The following PCDH9 variants were observed in gnomAD, a reference collection of about 807,000 sequenced individuals.
PCDH9 encodes the protein protocadherin 9, also known as protocadherin-9.
Under a neutral mutation model 70.6 loss-of-function variants are expected in PCDH9, and 24 were observed. The observed-to-expected ratio is 0.34, with a 90% CI of 0.25 to 0.48. The LOEUF is 0.48. PCDH9 is among the 20% of genes least tolerant of loss of function. The pLI is 0.99. For synonymous variants in PCDH9, 562 were observed against 558.5 expected (o/e 1.01, Z -0.09); for missense variants, 1,281 against 1,503.6 (o/e 0.85, Z 2.45).
intron 3 of PCDH9, among the ~76,000 whole-genome samples, chr13:66,702,804 T>C (rs2078664058): frequency 6.6e-6 from 1 of 152,192 alleles, no homozygotes; most frequent in Non-Finnish European, 1.5e-5. Context: ...TAAAATCTGA[T>C]CTTAATAAGG....
At chr13:66,690,812 T>C (rs2078472805) in intron 3 of PCDH9, among the ~76,000 whole-genome samples, 2 of 152,260 alleles carry the variant, frequency 1.3e-5, no homozygotes, top group East Asian at 3.9e-4. Flanking sequence ...TATTAGTCTC[T>C]ACTGAGAATG....
chr13:66,619,697 C>G (rs2077399732), intron 4 of PCDH9, among the ~76,000 whole-genome samples: 1 of 152,130 alleles, frequency 6.6e-6, no homozygotes, highest in African/African-American at 2.4e-5. Flanking sequence ...ACTCCATAGT[C>G]TGTGTTCTTA....
chr13:66,840,736 T>C (rs2081102611), intron 3 of PCDH9, among the ~76,000 whole-genome samples: 1 of 152,216 alleles, frequency 6.6e-6, no homozygotes, highest in Non-Finnish European at 1.5e-5. Context: ...ATTTCTGTTG[T>C]ACATCTGTTG....
intron 2 of PCDH9, among the ~76,000 whole-genome samples, chr13:67,085,829 C>A (rs2086095912): frequency 6.6e-6 from 1 of 152,144 alleles, no homozygotes; most frequent in Non-Finnish European, 1.5e-5. Flanking sequence ...ATAAAATTAG[C>A]ATTTTCTTAT....
intron 4 of PCDH9, among the ~76,000 whole-genome samples, chr13:66,628,475 T>C (rs1280993853): frequency 6.6e-6 from 1 of 152,192 alleles, no homozygotes; most frequent in Non-Finnish European, 1.5e-5. Context: ...ATAAACCAAA[T>C]TTTTATTGTA....
chr13:66,663,451 A>C (rs1300238051), intron 3 of PCDH9, among the ~76,000 whole-genome samples: 7 of 152,206 alleles, frequency 4.6e-5, no homozygotes, highest in African/African-American at 1.7e-4. Flanking sequence ...CTTTGGAGTC[A>C]ATGATAAAAA....
chr13:66,799,942 C>T (rs2080299962), intron 3 of PCDH9, among the ~76,000 whole-genome samples: 1 of 152,122 alleles, frequency 6.6e-6, no homozygotes. Context: ...CCCTGGTCAA[C>T]TGGATGGGGA....
intron 2 of PCDH9, among the ~76,000 whole-genome samples, chr13:67,165,354 T>C (rs2088082313): frequency 6.6e-6 from 1 of 152,170 alleles, no homozygotes; most frequent in Non-Finnish European, 1.5e-5. Context: ...AAATTCAGCA[T>C]TCCATTTAAT....
intron 3 of PCDH9, among the ~76,000 whole-genome samples, chr13:66,886,895 A>G (rs375980678): frequency 3.3e-4 from 50 of 152,188 alleles, no homozygotes; most frequent in African/African-American, 1.1e-3. Context: ...AGATACATAT[A>G]CTTTTGTGAT....
chr13:66,902,776 A>G (rs1274003540), intron 3 of PCDH9, among the ~76,000 whole-genome samples: 1 of 151,732 alleles, frequency 6.6e-6, no homozygotes, highest in Non-Finnish European at 1.5e-5. Flanking sequence ...AAAACGGCTC[A>G]GATAGTAAGT....
chr13:66,424,277 A>G (rs774069257), intron 4 of PCDH9, among the ~76,000 whole-genome samples: 2 of 152,304 alleles, frequency 1.3e-5, no homozygotes, highest in East Asian at 3.9e-4. Context: ...ATTCAATGCT[A>G]TTCTCATCAA....
At chr13:67,012,511 C>A (rs60336902) in intron 2 of PCDH9, among the ~76,000 whole-genome samples, 3,530 of 151,982 alleles carry the variant, frequency 0.023, 130 homozygotes, top group African/African-American at 0.079. Context: ...GGTGGGACCT[C>A]AAGATTTTTC....
chr13:66,817,789 C>T (rs889010136), intron 3 of PCDH9, among the ~76,000 whole-genome samples: 1 of 151,986 alleles, frequency 6.6e-6, no homozygotes, highest in Non-Finnish European at 1.5e-5. Context: ...GTGCATGCCA[C>T]CACCCCCAAG....
At chr13:67,087,778 A>G (rs2086138101) in intron 2 of PCDH9, among the ~76,000 whole-genome samples, 1 of 152,094 alleles carries the variant, frequency 6.6e-6, no homozygotes, top group Non-Finnish European at 1.5e-5. Context: ...GGAATATGTG[A>G]GTTTACTTTT....
intron 2 of PCDH9, among the ~76,000 whole-genome samples, chr13:67,082,188 C>T (rs2138186176): frequency 1.3e-5 from 2 of 152,270 alleles, no homozygotes; most frequent in Admixed American, 1.3e-4. Flanking sequence ...CAGTAAATGT[C>T]TACGGTTTAG....
At chr13:66,703,515 G>A (rs1256663939) in intron 3 of PCDH9, among the ~76,000 whole-genome samples, 35 of 152,160 alleles carry the variant, frequency 2.3e-4, no homozygotes, top group Non-Finnish European at 1.5e-5. Context: ...CTTACCTCCA[G>A]ATCCAGAGGA....
chr13:66,691,003 C>A (rs960968877), intron 3 of PCDH9, among the ~76,000 whole-genome samples: 3 of 151,938 alleles, frequency 2.0e-5, no homozygotes, highest in Non-Finnish European at 2.9e-5. Context: ...TTTACCTAAA[C>A]GTAAATCATT....
intron 4 of PCDH9, among the ~76,000 whole-genome samples, chr13:66,563,367 T>C (rs2076604879): frequency 6.6e-6 from 1 of 152,142 alleles, no homozygotes; most frequent in Non-Finnish European, 1.5e-5. Context: ...AATAGATCCG[T>C]AAATTCACTT....
rs201867032 is a variant in PCDH9 at position 66,903,594 on chromosome 13, G to C, written c.3048C>G (p.His1016Gln). The C allele has an allele frequency of 9.4e-6, 14 of 1,485,814 alleles. No individual in the cohort carries two copies. The highest frequency in any genetic ancestry group is 2.8e-5 in the African/African-American group (2 of 71,956). 92.0% of individuals were successfully genotyped at this position (1,485,814 alleles called of 1,614,324 possible). Reference protein sequence around the residue: ...GPLHTRQCNSHSKSDNIPVTP... With the variant: ...GPLHTRQCNSQSKSDNIPVTP... Reference sequence around the variant, plus strand: ...TGACAGGAATATTGTCACTTTTGCTGTGTGAGTTACACTGAAAGAGATTAC... The same window carrying C: ...TGACAGGAATATTGTCACTTTTGCTCTGTGAGTTACACTGAAAGAGATTAC... The change falls in exon 3 of 5, where the codon CAC becomes CAG. Residue 1016 changes from histidine (H) to glutamine (Q), a missense_variant. This residue lies in a region of PCDH9 where 264 missense variants were observed against 278.8 expected (regional missense o/e 0.95). Transcript: ENST00000377865.
Sources: allele counts gnomAD v4.1 joint callset (sites outside exome capture counted in the v4.1 genomes callset), GRCh38; gene constraint gnomAD v4.1.1; regional missense constraint gnomAD v4.1.1; transcripts MANE v1.5; gene names NCBI Gene and HGNC (gene_info 2026-07-23, HGNC 2026-07-21).